FOXP2: variants seen among roughly 807,000 people sequenced by gnomAD.
The protein encoded by FOXP2 is forkhead box protein P2.
FOXP2 carries 12 observed loss-of-function variants against 115.8 expected under a neutral mutation model. The observed-to-expected ratio is 0.10, with a 90% confidence interval of 0.07 to 0.17. The LOEUF (loss-of-function observed/expected upper bound fraction) is 0.17, where lower values mean the gene tolerates loss of function less well. FOXP2 is among the 10% of genes least tolerant of loss of function. The pLI is 1.00. For missense variants in FOXP2, 629 were observed against 843.5 expected (o/e 0.75, Z 3.15); for synonymous variants, 328 against 297.7 (o/e 1.10, Z -1.05).
chr7:114,341,837 A>G (rs1327672808), intron 2 of FOXP2, among the ~76,000 whole-genome samples: 1 of 151,346 alleles, frequency 6.6e-6, no homozygotes, highest in East Asian at 1.9e-4. Flanking sequence ...CCAAAATGAC[A>G]TTTTATAGTC....
chr7:114,394,910 C>G (rs988607980), intron 2 of FOXP2, among the ~76,000 whole-genome samples: 1 of 152,126 alleles, frequency 6.6e-6, no homozygotes, highest in Non-Finnish European at 1.5e-5. Context: ...GGACAAGTGA[C>G]TAAACTTGAA....
At chr7:114,414,269 TC>T (rs1793245622), upstream of FOXP2, 1 of 152,116 alleles carries the variant, frequency 6.6e-6, no homozygotes, top group African/African-American at 2.4e-5. Context: ...AGATGGACTT[TC>T]TTTTGCATCT....
intron 1 of FOXP2, among the ~76,000 whole-genome samples, chr7:114,237,423 C>A (rs560170586): frequency 1.1e-3 from 170 of 152,264 alleles, no homozygotes; most frequent in Non-Finnish European, 1.6e-3. Flanking sequence ...ACATTTGGGA[C>A]AATCGAAATT....
chr7:114,129,295 A>G (rs965733961), intron 1 of FOXP2, among the ~76,000 whole-genome samples: 1 of 152,150 alleles, frequency 6.6e-6, no homozygotes, highest in Non-Finnish European at 1.5e-5. Flanking sequence ...AGTGAACTCA[A>G]CCTTAATATT....
At chr7:114,187,939 A>T (rs1793655365) in intron 1 of FOXP2, among the ~76,000 whole-genome samples, 1 of 152,180 alleles carries the variant, frequency 6.6e-6, no homozygotes, top group Admixed American at 6.5e-5. Flanking sequence ...TAATAGTATC[A>T]GTCCCACCCA....
At chr7:114,440,953 T>A (rs992740409) in intron 2 of FOXP2, among the ~76,000 whole-genome samples, 1 of 152,158 alleles carries the variant, frequency 6.6e-6, no homozygotes, top group African/African-American at 2.4e-5. Context: ...TCCATAATAA[T>A]CTTAGAAATT....
chr7:114,168,590 A>G (rs966795226), intron 1 of FOXP2, among the ~76,000 whole-genome samples: 13 of 152,338 alleles, frequency 8.5e-5, no homozygotes, highest in African/African-American at 2.9e-4. Context: ...TGAGGGAAGC[A>G]GAGCATAAAA....
At chr7:114,686,322 G>A (rs919917884) in intron 16 of FOXP2, among the ~76,000 whole-genome samples, 1 of 152,038 alleles carries the variant, frequency 6.6e-6, no homozygotes, top group Non-Finnish European at 1.5e-5. Context: ...ACAGGTGCAT[G>A]CCACCATGCC....
chr7:114,232,494 A>T (rs1487988480), intron 1 of FOXP2, among the ~76,000 whole-genome samples: 1 of 152,170 alleles, frequency 6.6e-6, no homozygotes, highest in Admixed American at 6.5e-5. Flanking sequence ...TGGATAACGA[A>T]ATTATGGTAT....
intron 1 of FOXP2, among the ~76,000 whole-genome samples, chr7:114,181,897 G>C (rs1793466457): frequency 6.6e-6 from 1 of 152,158 alleles, no homozygotes; most frequent in East Asian, 1.9e-4. Flanking sequence ...AGTTAACCTT[G>C]CTTTGTAATA....
At chr7:114,147,177 C>T (rs1444169109) in intron 1 of FOXP2, among the ~76,000 whole-genome samples, 11 of 152,074 alleles carry the variant, frequency 7.2e-5, no homozygotes, top group Admixed American at 7.2e-4. Flanking sequence ...ATTCATTTTA[C>T]ATATATATAA....
chr7:114,411,564 C>T (rs1054959880), upstream of FOXP2, among the ~76,000 whole-genome samples: 1 of 152,068 alleles, frequency 6.6e-6, no homozygotes, highest in Non-Finnish European at 1.5e-5. Context: ...ATATGTATTT[C>T]ATCTTTTATC....
At chr7:114,465,911 C>T (rs1210987169) in intron 2 of FOXP2, among the ~76,000 whole-genome samples, 1 of 152,152 alleles carries the variant, frequency 6.6e-6, no homozygotes, top group Non-Finnish European at 1.5e-5. Flanking sequence ...AAATCACTCC[C>T]TTCCCTCCCA....
rs115257418 is a variant in FOXP2 at position 114,183,701 on chromosome 7, C to T, written c.-102+20613C>T. Among the ~76,000 whole-genome samples the T allele has an allele frequency of 9.6e-3, 1,461 of 152,210 alleles. 31 individuals are homozygous for T. Among genetic ancestry groups the T allele is most frequent in the African/African-American group, 0.033 (1,389 of 41,560 alleles). On this transcript the variant is annotated intron_variant, in intron 1 of 17. Coordinates refer to the FOXP2 transcript ENST00000634411. ...TGTATTGTACATGATATCATATATG[C>T]ACTTTTTATAATTTATATCAAGTTT...
At chr7:114,580,912 T>C (rs1053455617) in intron 3 of FOXP2, among the ~76,000 whole-genome samples, 2 of 151,978 alleles carry the variant, frequency 1.3e-5, no homozygotes, top group African/African-American at 2.4e-5. Flanking sequence ...TAGAGTCCCA[T>C]AATTTTTAAG....
chr7:114,531,879 T>G lies in FOXP2; in HGVS notation c.169-2738T>G, dbSNP rs1584859980. Among the ~76,000 whole-genome samples the G allele has an allele frequency of 2.6e-5, 4 of 152,060 alleles. No homozygotes were observed. The South Asian group carries it at 8.3e-4, about 32-fold the overall frequency. ...GAGCAAAACTTGTAATATATTTAATTTTCTAGTGTTTGTCTACAGACATTA... is the reference window on the plus strand; with the variant it reads ...GAGCAAAACTTGTAATATATTTAATGTTCTAGTGTTTGTCTACAGACATTA... On this transcript the variant is annotated intron_variant, in intron 2 of 16. Coordinates refer to ENST00000350908, the MANE Select transcript of FOXP2 (RefSeq NM_014491.4).
chr7:114,201,194 G>A (rs1220008178), intron 1 of FOXP2, among the ~76,000 whole-genome samples: 3 of 152,046 alleles, frequency 2.0e-5, no homozygotes, highest in Admixed American at 6.6e-5. Flanking sequence ...AATTTGGCTG[G>A]GCATGCTGGC....
At chr7:114,172,056 A>T (rs1388696360) in intron 1 of FOXP2, among the ~76,000 whole-genome samples, 1 of 152,164 alleles carries the variant, frequency 6.6e-6, no homozygotes, top group African/African-American at 2.4e-5. Flanking sequence ...TAAGTGAGGA[A>T]TTGCTTCCTA....
intron 1 of FOXP2, among the ~76,000 whole-genome samples, chr7:114,284,337 G>A (rs1268468735): frequency 1.3e-5 from 2 of 151,982 alleles, no homozygotes; most frequent in Non-Finnish European, 2.9e-5. Flanking sequence ...CATAAGAGCA[G>A]AGTTGTGATT....
Sources: gnomAD v4.1 joint callset for allele counts (sites outside exome capture counted in the v4.1 genomes callset) on GRCh38, gnomAD v4.1.1 for gene constraint, MANE v1.5 for transcripts, NCBI Gene and HGNC (gene_info 2026-07-23, HGNC 2026-07-21) for gene names.